The following ALG1 variants were observed in gnomAD, a reference collection of about 807,000 sequenced individuals.
The protein encoded by ALG1 is chitobiosyldiphosphodolichol beta-mannosyltransferase.
Under a neutral mutation model 55.1 loss-of-function variants are expected in ALG1, and 58 were observed. The observed-to-expected ratio is 1.05, with a 90% CI of 0.85 to 1.31. The LOEUF is 1.31. Ranked by LOEUF, ALG1 falls within the 50% of genes most tolerant of loss-of-function variation. The pLI is 0.00. For missense variants in ALG1, 761 were observed against 598.6 expected, an observed-to-expected ratio of 1.27 and a Z score of -2.83; for synonymous variants, 309 against 247.0, an observed-to-expected ratio of 1.25 and a Z score of -2.35.
chr16:5,083,272 G>C (rs769446098), intron 11 of ALG1, among the ~76,000 whole-genome samples: 1 of 152,198 alleles, frequency 6.6e-6, no homozygotes, highest in Non-Finnish European at 1.5e-5. Context: ...TGAGCCCCTC[G>C]TGTGAGCTGA....
intron 6 of ALG1, 83 bp downstream of exon 6, chr16:5,078,100 C>A: frequency 2.7e-6 from 4 of 1,493,046 alleles, no homozygotes; most frequent in Non-Finnish European, 3.7e-6. Context: ...CCTGGGAACC[C>A]ACTCATCCAG....
rs916775813 is a variant in ALG1, at chr16:5,077,602, T to C, written c.629+68T>C. On this transcript the variant is annotated intron_variant, in intron 5 of 12. Transcript: ENST00000262374. The stretch of plus-strand genomic sequence containing the variant: ...GCCCCTGATTGGCTGCAGTGAGAGC[T>C]GCCTTGCCTGCTGCCGTCCTGCTGA... The C allele has an allele frequency of 1.4e-5, 21 of 1,458,342 alleles. No homozygotes were observed. In the African/African-American group the frequency reaches 2.9e-4, roughly 20 times the overall value. 90.3% of individuals were successfully genotyped at this position (1,458,342 alleles called of 1,614,324 possible).
Position 5,085,635 on chromosome 16 carries a change from C to T in ALG1, c.*754C>T, listed in dbSNP as rs1477653204. 2.5e-6 allele frequency: 4 copies of T among 1,604,526 alleles called. No individual in the cohort carries two copies. The highest frequency in any genetic ancestry group is 3.4e-6 in the Non-Finnish European group (4 of 1,173,256). ...CCGTTGGAGTCGTGTGTGAGTCCTACAGGGTGAGATTCAGCATTGCCATCT... is the reference window on the plus strand; with the variant it reads ...CCGTTGGAGTCGTGTGTGAGTCCTATAGGGTGAGATTCAGCATTGCCATCT... On this transcript the variant is annotated 3_prime_UTR_variant, in exon 13 of 13. Transcript: ENST00000262374.
In ALG1 at chr16:5,075,501, T is replaced by A; in HGVS notation, c.504T>A (p.His168Gln). 6.2e-7 allele frequency: 1 copy of A among 1,614,182 alleles called. No homozygotes were observed. The highest frequency in any genetic ancestry group is 8.5e-7 in the Non-Finnish European group (1 of 1,180,028). Residue 168 changes from histidine to glutamine, a missense_variant, in exon 4 of 13, where the codon CAT becomes CAA. His to Gln is a conservative substitution (Grantham distance 24). Coordinates refer to ENST00000262374, the MANE Select transcript of ALG1 (RefSeq NM_019109.5). ...GCTACTCCATCATGGGTCTGGTGCA[T>A]GGCCCCAACCATCCCCTCGTTCTGC... is the stretch of plus-strand genomic sequence containing the variant. ...NYGYSIMGLV[H>Q]GPNHPLVLLA... is the part of the protein sequence containing the mutation.
At chr16:5,083,236 C>G (rs1056287913) in intron 11 of ALG1, among the ~76,000 whole-genome samples, 1 of 152,108 alleles carries the variant, frequency 6.6e-6, no homozygotes, top group Admixed American at 6.6e-5. Flanking sequence ...GCTCAGGAGC[C>G]GGCCCCTGGA....
chr16:5,077,834 G>A (rs543751864), intron 5 of ALG1, 73 bp from the exon 6 acceptor site: 41 of 1,402,688 alleles, frequency 2.9e-5, no homozygotes, highest in South Asian at 5.8e-5. Context: ...TTCTTTTCCT[G>A]GAGCCTCTGA....
At chr16:5,074,162 T>C (rs1956867980) in intron 3 of ALG1, among the ~76,000 whole-genome samples, 1 of 152,072 alleles carries the variant, frequency 6.6e-6, no homozygotes, top group African/African-American at 2.4e-5. Context: ...TATTTTTATT[T>C]TTCCTGAGAT....
rs748649463 is a variant in ALG1, at chr16:5,072,936, A to G, written c.209-15A>G. 12 of 1,611,608 alleles carry G rather than the reference A, an allele frequency of 7.4e-6. No individual in the cohort carries two copies. Among genetic ancestry groups the G allele is most frequent in the South Asian group, 1.1e-5 (1 of 91,036 alleles). The stretch of plus-strand genomic sequence containing the variant: ...CTGCTTCTGGTACATTAAAGGGATC[A>G]TTCTCATTTTTCAGACTCCAAACCC... On this transcript the variant is annotated splice_polypyrimidine_tract_variant and intron_variant, in intron 1 of 12. Transcript: ENST00000262374.
In ALG1 at chr16:5,077,944, A is replaced by C. The variant is rs61745618; in HGVS notation, c.667A>C (p.Lys223Gln). ...CTACGACAAGCCCGCATCTTTCTTT[A>C]AAGAGACACCTCTGGACCTGCAGCA... ...TVYDKPASFF[K>Q]ETPLDLQHRL... is the part of the protein sequence containing the mutation. Residue 223 changes from lysine (K) to glutamine (Q), a missense_variant, in exon 6 of 13, where the codon AAA (lysine) becomes CAA (glutamine). Coordinates refer to ENST00000262374, the MANE Select transcript of ALG1 (RefSeq NM_019109.5). The C allele has an allele frequency of 6.2e-7, 1 of 1,607,044 alleles. No homozygotes were observed. The highest frequency in any genetic ancestry group is 8.5e-7 in the Non-Finnish European group (1 of 1,179,812).
chr16:5,084,781 G>T lies in ALG1; in HGVS notation c.1295G>T (p.Gly432Val). ...TTCTCAAACTTTCCTGATCCTGCGG[G>T]CAAGCTAAACCAGTTCCGGAAGAAC... ...MLFSNFPDPA[G>V]KLNQFRKNLR... Residue 432 changes from glycine (G) to valine (V), a missense_variant, in exon 13 of 13, where the codon GGC becomes GTC. Coordinates refer to ENST00000262374, the MANE Select transcript of ALG1 (RefSeq NM_019109.5). 1 of 1,596,448 alleles carries T rather than the reference G, an allele frequency of 6.3e-7. No individual in the cohort carries two copies. Among genetic ancestry groups the T allele is most frequent in the South Asian group, 1.1e-5 (1 of 90,988 alleles).
rs537360388 is a variant in ALG1, at chr16:5,076,632, C to T, written c.540-813C>T. Among the ~76,000 whole-genome samples the T allele has an allele frequency of 2.4e-4, 37 of 152,294 alleles. No individual in the cohort carries two copies. The South Asian group carries it at 6.2e-3, about 26-fold the overall frequency. Reference sequence around the variant, plus strand: ...GAATCGCGCATGCCGTGTTCCGGCTCTACCCTGCGATCAGGGCTCAGTCTC... The same window carrying T: ...GAATCGCGCATGCCGTGTTCCGGCTTTACCCTGCGATCAGGGCTCAGTCTC... On this transcript the variant is annotated intron_variant, in intron 4 of 12. Transcript: ENST00000262374.
Position 5,085,852 on chromosome 16 carries a change from G to A in ALG1, c.*971G>A, listed in dbSNP as rs1957144455. 1 of 795,460 alleles carries A rather than the reference G, an allele frequency of 1.3e-6. No individual in the cohort carries two copies. The highest frequency in any genetic ancestry group is 2.2e-6 in the Non-Finnish European group (1 of 449,582). 49.3% of individuals were successfully genotyped at this position (795,460 alleles called of 1,614,324 possible). A position where few individuals can be genotyped will look rare whatever the true frequency, so the allele number is the denominator to read the frequency against. ...GGGGGGTGTCCAAGTCAGTTTACTT[G>A]GTTCACAGGTTCCCAGGCCCACCCA... On this transcript the variant is annotated 3_prime_UTR_variant, in exon 13 of 13. Coordinates refer to ENST00000262374, the MANE Select transcript of ALG1 (RefSeq NM_019109.5).
chr16:5,074,346 C>G (rs952549857), intron 3 of ALG1, among the ~76,000 whole-genome samples: 3 of 151,888 alleles, frequency 2.0e-5, no homozygotes, highest in African/African-American at 4.8e-5. Context: ...GATGGGGTTT[C>G]GCTATGCTGG....
intron 8 of ALG1, 134 bp from the exon 9 acceptor site, chr16:5,079,614 A>G: frequency 9.7e-7 from 1 of 1,032,574 alleles, no homozygotes; most frequent in Non-Finnish European, 1.5e-6. Context: ...ACTTGAACCC[A>G]GGAGGCAGAG....
chr16:5,075,308 G>T (rs1956889776), intron 3 of ALG1, 80 bp from the exon 4 acceptor site: 8 of 1,436,496 alleles, frequency 5.6e-6, no homozygotes, highest in African/African-American at 4.2e-5. Context: ...TCATCACCAT[G>T]TGTGTTGTGA....
chr16:5,072,171 C>T (rs1956828358), intron 1 of ALG1, 114 bp downstream of exon 1: 3 of 1,520,722 alleles, frequency 2.0e-6, no homozygotes, highest in Non-Finnish European at 8.8e-7. Context: ...CTTTGGGCAG[C>T]TCTCCGAGAT....
chr16:5,084,922 C>T lies in ALG1; in HGVS notation c.*41C>T, dbSNP rs1957101268. 6.3e-7 allele frequency: 1 copy of T among 1,596,276 alleles called. No individual in the cohort carries two copies. The highest frequency in any genetic ancestry group is 8.5e-7 in the Non-Finnish European group (1 of 1,179,754). ...CTAAAACCCCAGGACCCCTGCTGTC[C>T]TTCCCGCAGCTTCTTCTTGGAGTCT... On this transcript the variant is annotated 3_prime_UTR_variant, in exon 13 of 13. Coordinates refer to ENST00000262374, the MANE Select transcript of ALG1 (RefSeq NM_019109.5).
chr16:5,082,701 G>A, intron 11 of ALG1, 28 bp downstream of exon 11: 2 of 1,609,210 alleles, frequency 1.2e-6, no homozygotes, highest in Non-Finnish European at 1.7e-6. Flanking sequence ...ATCCTTCTGG[G>A]GATAGCTTTG....
intron 6 of ALG1, chr16:5,078,491 TC>T: frequency 2.9e-6 from 2 of 695,710 alleles, no homozygotes; most frequent in Non-Finnish European, 5.1e-6. Flanking sequence ...TGCACCCTCA[TC>T]TTGAGTCCAG....
Sources: allele counts gnomAD v4.1 joint callset (sites outside exome capture counted in the v4.1 genomes callset), GRCh38; gene constraint gnomAD v4.1.1; transcripts MANE v1.5; gene names NCBI Gene and HGNC (gene_info 2026-07-23, HGNC 2026-07-21).